FARP1: variants seen among roughly 807,000 people sequenced by gnomAD.
The protein encoded by FARP1 is FERM, ARH/RhoGEF and pleckstrin domain protein 1, also known as FERM, ARHGEF and pleckstrin domain-containing protein 1.
FARP1 carries 52 observed loss-of-function variants against 128.8 expected under a neutral mutation model. That is an observed-to-expected ratio of 0.40 (90% CI 0.32 to 0.51). FARP1 has a LOEUF of 0.51. Ranked by LOEUF, FARP1 falls within the 20% of genes least tolerant of loss-of-function variation. FARP1 has a pLI of 0.45. For synonymous variants in FARP1, 580 were observed against 551.8 expected (o/e 1.05, Z -0.72); for missense variants, 1,333 against 1,367.9 (o/e 0.97, Z 0.40).
At chr13:98,200,396 C>G (rs868252825) in intron 1 of FARP1, among the ~76,000 whole-genome samples, 6 of 147,042 alleles carry the variant, frequency 4.1e-5, no homozygotes, top group Admixed American at 6.7e-5. Flanking sequence ...CACCCCCCCC[C>G]CCTCCCCTTT....
chr13:98,396,667 A>G, intron 13 of FARP1: 1 of 395,764 alleles, frequency 2.5e-6, no homozygotes, highest in East Asian at 3.6e-5. Context: ...TAAGAAAAAC[A>G]AAACTTCACA....
intron 2 of FARP1, among the ~76,000 whole-genome samples, chr13:98,302,036 C>A (rs1684162991): frequency 6.6e-6 from 1 of 152,106 alleles, no homozygotes. Flanking sequence ...TCAAAATTGA[C>A]CCCGTACACA....
chr13:98,393,712 G>T lies in FARP1; in HGVS notation c.1158G>T (p.Leu386=), dbSNP rs767305104. The change falls in exon 12 of 27, where the codon CTG becomes CTT. Residue 386 remains leucine, a synonymous_variant. Coordinates refer to ENST00000319562, the MANE Select transcript of FARP1 (RefSeq NM_005766.4). The part of the protein sequence containing the change: ...SQPTELNSEV[L]EQSQQSTSLT... Reference sequence around the variant, plus strand: ...CTACAGAACTGAATTCGGAAGTGCTGGAGCAGGTCAGTGATGGCGCTGTCC... The same window carrying T: ...CTACAGAACTGAATTCGGAAGTGCTTGAGCAGGTCAGTGATGGCGCTGTCC... 1.2e-6 allele frequency: 2 copies of T among 1,613,080 alleles called. No homozygotes were observed. Among genetic ancestry groups the T allele is most frequent in the Non-Finnish European group, 1.7e-6 (2 of 1,179,106 alleles).
intron 2 of FARP1, among the ~76,000 whole-genome samples, chr13:98,229,426 G>A (rs1197990908): frequency 6.6e-6 from 1 of 151,984 alleles, no homozygotes; most frequent in Non-Finnish European, 1.5e-5. Flanking sequence ...TGAGGCCTCT[G>A]AGTAACAATG....
At chr13:98,352,045 T>A (rs1345856347) in intron 3 of FARP1, among the ~76,000 whole-genome samples, 1 of 152,024 alleles carries the variant, frequency 6.6e-6, no homozygotes, top group African/African-American at 2.4e-5. Context: ...GTGGTGGTGG[T>A]GGAAGCATAG....
intron 2 of FARP1, among the ~76,000 whole-genome samples, chr13:98,213,949 G>C (rs1392704426): frequency 6.6e-6 from 1 of 152,160 alleles, no homozygotes; most frequent in African/African-American, 2.4e-5. Flanking sequence ...CACAGGGCAG[G>C]TGTGGGAGTA....
chr13:98,304,441 G>A (rs60533650), intron 2 of FARP1, among the ~76,000 whole-genome samples: 1,557 of 152,332 alleles, frequency 0.01, 34 homozygotes, highest in African/African-American at 0.036. Flanking sequence ...TCAGTCAGCA[G>A]ACATGTACTC....
At chr13:98,201,874 C>G (rs1188461677) in intron 1 of FARP1, among the ~76,000 whole-genome samples, 7 of 152,204 alleles carry the variant, frequency 4.6e-5, no homozygotes, top group Admixed American at 6.5e-5. Context: ...TAGGGGTACC[C>G]TGCTCGTAGA....
At chr13:98,435,832 G>A (rs1289244142) in intron 19 of FARP1, 126 bp downstream of exon 19, 6 of 962,726 alleles carry the variant, frequency 6.2e-6, no homozygotes, top group Non-Finnish European at 1.0e-5. Context: ...ATCCACCTGG[G>A]AGACAACTGG....
At chr13:98,308,508 C>T (rs4318070) in intron 2 of FARP1, among the ~76,000 whole-genome samples, 26,252 of 152,066 alleles carry the variant, frequency 0.17, 2,955 homozygotes, top group Non-Finnish European at 0.25. Context: ...GACAGCCTGA[C>T]GAGCCACATG....
intron 19 of FARP1, chr13:98,437,826 G>A: frequency 1.3e-6 from 2 of 1,597,582 alleles, no homozygotes; most frequent in Middle Eastern, 1.7e-4. Context: ...CATCCCATGT[G>A]CTCCAGAGAG....
At chr13:98,265,012 G>A (rs1566809826) in intron 2 of FARP1, among the ~76,000 whole-genome samples, 2 of 152,180 alleles carry the variant, frequency 1.3e-5, no homozygotes, top group East Asian at 3.9e-4. Flanking sequence ...GCCAGGCTTT[G>A]GGCCATTAAA....
chr13:98,265,472 A>C (rs567714355), intron 2 of FARP1, among the ~76,000 whole-genome samples: 6 of 150,754 alleles, frequency 4.0e-5, no homozygotes, highest in African/African-American at 1.5e-4. Flanking sequence ...GGCGCCCGCC[A>C]CTACGCCCGG....
chr13:98,213,153 G>A, intron 1 of FARP1, 67 bp from the exon 2 acceptor site: 1 of 1,358,924 alleles, frequency 7.4e-7, no homozygotes, highest in East Asian at 2.4e-5. Context: ...TGGGGTTCAA[G>A]GTGGCACACA....
chr13:98,344,684 C>T (rs550141440), intron 3 of FARP1, among the ~76,000 whole-genome samples: 11 of 152,258 alleles, frequency 7.2e-5, no homozygotes, highest in East Asian at 1.9e-4. Flanking sequence ...ACAGGTGGGA[C>T]GGCAGCATCT....
intron 2 of FARP1, among the ~76,000 whole-genome samples, chr13:98,231,064 C>G (rs1882083062): frequency 6.6e-6 from 1 of 152,088 alleles, no homozygotes; most frequent in Admixed American, 6.5e-5. Context: ...CTGCCCCCCC[C>G]ATAATTCAGT....
intron 3 of FARP1, among the ~76,000 whole-genome samples, chr13:98,351,109 T>TC (rs1190775734): frequency 7.0e-6 from 1 of 143,656 alleles, no homozygotes; most frequent in Admixed American, 7.1e-5. Flanking sequence ...TTGTTCCCCC[T>TC]CCCCCTCTCC....
intron 2 of FARP1, among the ~76,000 whole-genome samples, chr13:98,247,495 C>T (rs1482584792): frequency 1.3e-5 from 2 of 152,096 alleles, no homozygotes; most frequent in Admixed American, 1.3e-4. Context: ...CCCCGCAGCC[C>T]TGCTGGGGGA....
At chr13:98,251,498 C>T (rs1883320137) in intron 2 of FARP1, among the ~76,000 whole-genome samples, 1 of 152,020 alleles carries the variant, frequency 6.6e-6, no homozygotes, top group Non-Finnish European at 1.5e-5. Context: ...GCCTGGCCAA[C>T]ATGGTGAAAC....
Sources: allele counts gnomAD v4.1 joint callset (sites outside exome capture counted in the v4.1 genomes callset), GRCh38; gene constraint gnomAD v4.1.1; transcripts MANE v1.5; gene names NCBI Gene and HGNC (gene_info 2026-07-23, HGNC 2026-07-21).